RPS6KA6: variants seen among roughly 807,000 people sequenced by gnomAD.
The protein encoded by RPS6KA6 is ribosomal protein S6 kinase alpha-6.
Under a neutral mutation model 65.4 loss-of-function variants are expected in RPS6KA6, and 27 were observed. That is an observed-to-expected ratio of 0.41 (90% CI 0.30 to 0.57). RPS6KA6 has a LOEUF of 0.57. Among genes scored for constraint, RPS6KA6 ranks in the 20% least tolerant of loss-of-function variants. The probability of loss-of-function intolerance (pLI) is 0.24; values close to 1 mark genes in which losing one functional copy is unlikely to be tolerated. For synonymous variants in RPS6KA6, 190 were observed against 184.2 expected, an observed-to-expected ratio of 1.03 and a Z score of -0.26; for missense variants, 486 against 555.6, an observed-to-expected ratio of 0.87 and a Z score of 1.26.
intron 20 of RPS6KA6, among the ~76,000 whole-genome samples, chrX:84,095,769 G>A (rs1313683027): frequency 9.0e-6 from 1 of 111,677 alleles, no homozygotes; most frequent in Non-Finnish European, 1.9e-5. Flanking sequence ...ATATCCAGGT[G>A]CCACAGATAC....
At chrX:84,108,165 C>CA (rs2034397767) in intron 12 of RPS6KA6, among the ~76,000 whole-genome samples, 1 of 111,981 alleles carries the variant, frequency 8.9e-6, no homozygotes, top group Non-Finnish European at 1.9e-5. Context: ...AGTCGTCTAA[C>CA]AATCTATCTT....
chrX:84,102,333 ATT>A, intron 17 of RPS6KA6, 135 bp from the exon 18 acceptor site: 1 of 337,261 alleles, frequency 3.0e-6, no homozygotes, highest in Non-Finnish European at 4.8e-6. Flanking sequence ...TGAAAATGAC[ATT>A]TTGCTCAAGC....
chrX:84,104,958 G>T, intron 16 of RPS6KA6, among the ~76,000 whole-genome samples: 1 of 110,074 alleles, frequency 9.1e-6, no homozygotes, highest in East Asian at 2.8e-4. Flanking sequence ...CCTCTCAAAT[G>T]ACCTCTATCT....
At position 84,097,234 on chromosome X, in the gene RPS6KA6, T is replaced by C. The variant is rs1041982904; in HGVS notation, c.1853+538A>G. Among the ~76,000 whole-genome samples, 6 of 111,637 alleles carry C rather than the reference T, an allele frequency of 5.4e-5. No individual in the cohort carries two copies. In the Admixed American group the frequency reaches 5.7e-4, roughly 11 times the overall value. On this transcript the variant is annotated intron_variant, in intron 19 of 21. Transcript: ENST00000262752. ...CTCATTATTGAGAGTAAAATAGTAC[T>C]TGTATTATTTGTAAAGTATCAACAT... is the stretch of plus-strand genomic sequence containing the variant.
chrX:84,065,923 C>T (rs1449495162), intron 20 of RPS6KA6, among the ~76,000 whole-genome samples: 1 of 111,216 alleles, frequency 9.0e-6, no homozygotes, highest in East Asian at 2.9e-4. Context: ...GTACCCAGTT[C>T]GTCTCACTGG....
rs536765703 is a variant in RPS6KA6 at position 84,065,924 on chromosome X, G to A, written c.1972-813C>T. Among the ~76,000 whole-genome samples the A allele has an allele frequency of 4.5e-5, 5 of 111,275 alleles. No individual in the cohort carries two copies. In the Admixed American group the frequency reaches 4.8e-4, roughly 11 times the overall value. Reference sequence around the variant, plus strand: ...CATTTACAACTGAGGTACCCAGTTCGTCTCACTGGGACTGGTTAGCCAGTG... The same window carrying A: ...CATTTACAACTGAGGTACCCAGTTCATCTCACTGGGACTGGTTAGCCAGTG... On this transcript the variant is annotated intron_variant, in intron 20 of 21. Coordinates refer to ENST00000262752, the MANE Select transcript of RPS6KA6 (RefSeq NM_014496.5).
chrX:84,076,834 T>C (rs1423278165), intron 20 of RPS6KA6, among the ~76,000 whole-genome samples: 1 of 111,111 alleles, frequency 9.0e-6, no homozygotes, highest in African/African-American at 3.3e-5. Flanking sequence ...AATCAAGCAC[T>C]AAAACGTCCT....
intron 12 of RPS6KA6, among the ~76,000 whole-genome samples, chrX:84,115,048 T>C (rs990809103): frequency 1.8e-5 from 2 of 112,038 alleles, no homozygotes; most frequent in African/African-American, 3.2e-5. Flanking sequence ...CATTGATCTA[T>C]ACAAAGAATT....
chrX:84,113,616 CT>C (rs1468653024), intron 12 of RPS6KA6, among the ~76,000 whole-genome samples: 1 of 111,640 alleles, frequency 9.0e-6, no homozygotes, highest in Non-Finnish European at 1.9e-5. Flanking sequence ...TTCAACATCA[CT>C]TGATGATAAA....
At chrX:84,070,287 C>T (rs1020616430) in intron 20 of RPS6KA6, among the ~76,000 whole-genome samples, 4 of 111,044 alleles carry the variant, frequency 3.6e-5, no homozygotes, top group Admixed American at 9.6e-5. Context: ...AGCAAACTAA[C>T]GCAGGAACAG....
At position 84,182,754 on chromosome X, in the gene RPS6KA6, G is replaced by C. The variant is rs187682655; in HGVS notation, c.81+5065C>G. ...GAGAAGGCACCTGTGGCAGGGAGGG[G>C]CCACTGCCCTCTGACTCCTCCCCGC... On this transcript the variant is annotated intron_variant, in intron 1 of 21. Coordinates refer to ENST00000262752, the MANE Select transcript of RPS6KA6 (RefSeq NM_014496.5). 2.0e-3 allele frequency among the ~76,000 whole-genome samples: 226 copies of C among 111,870 alleles called. 1 individual carries two copies. The highest frequency in any genetic ancestry group is 4.7e-3 in the Middle Eastern group (1 of 215).
At chrX:84,103,578 T>C (rs2034298281) in intron 17 of RPS6KA6, among the ~76,000 whole-genome samples, 1 of 111,183 alleles carries the variant, frequency 9.0e-6, no homozygotes, top group Non-Finnish European at 1.9e-5. Flanking sequence ...AATATGTGTC[T>C]TATTAATTTA....
At chrX:84,069,798 CAT>C (rs1220809743) in intron 20 of RPS6KA6, among the ~76,000 whole-genome samples, 38 of 112,064 alleles carry the variant, frequency 3.4e-4, no homozygotes, top group Admixed American at 2.5e-3. Context: ...CGGCCAAAAA[CAT>C]ATGAAAAAAA....
At chrX:84,084,978 G>A (rs974258392) in intron 20 of RPS6KA6, among the ~76,000 whole-genome samples, 8 of 111,159 alleles carry the variant, frequency 7.2e-5, no homozygotes, top group African/African-American at 2.6e-4. Flanking sequence ...TTGTGAATGG[G>A]AGTTCATTTA....
chrX:84,178,742 C>T (rs753807115), intron 1 of RPS6KA6, among the ~76,000 whole-genome samples: 4 of 111,268 alleles, frequency 3.6e-5, no homozygotes, highest in Non-Finnish European at 7.6e-5. Context: ...AAAAAGTAGA[C>T]TTCTATCACA....
At chrX:84,099,987 T>C (rs1262467048) in intron 18 of RPS6KA6, among the ~76,000 whole-genome samples, 1 of 111,259 alleles carries the variant, frequency 9.0e-6, no homozygotes, top group African/African-American at 3.2e-5. Context: ...TTTGAATCTT[T>C]CCAATTCTAG....
chrX:84,147,716 T>C (rs767709755), intron 4 of RPS6KA6, among the ~76,000 whole-genome samples: 7 of 111,976 alleles, frequency 6.3e-5, no homozygotes, highest in Non-Finnish European at 5.6e-5. Context: ...GGTTGTGCTT[T>C]CTCAATATGT....
At chrX:84,179,948 A>C (rs1023626353) in intron 1 of RPS6KA6, among the ~76,000 whole-genome samples, 6 of 111,895 alleles carry the variant, frequency 5.4e-5, no homozygotes, top group African/African-American at 1.9e-4. Flanking sequence ...AATCAGACCT[A>C]ATGGCTTATC....
At chrX:84,146,950 A>G (rs1176060247) in intron 5 of RPS6KA6, 28 bp downstream of exon 5, 2 of 839,405 alleles carry the variant, frequency 2.4e-6, no homozygotes, top group Admixed American at 2.8e-5. Context: ...GATTAAAATA[A>G]ATAAAAGAAT....
Sources: gnomAD v4.1 joint callset for allele counts (sites outside exome capture counted in the v4.1 genomes callset) on GRCh38, gnomAD v4.1.1 for gene constraint, MANE v1.5 for transcripts, NCBI Gene and HGNC (gene_info 2026-07-23, HGNC 2026-07-21) for gene names.